SMC3: variants seen among roughly 807,000 people sequenced by gnomAD.
SMC3 encodes structural maintenance of chromosomes protein 3.
In SMC3, 20 loss-of-function variants were observed where a neutral mutation model predicts 171.8. The observed-to-expected ratio is 0.12, with a 90% CI of 0.08 to 0.17. The LOEUF (loss-of-function observed/expected upper bound fraction) is 0.17. Ranked by LOEUF, SMC3 falls within the 10% of genes least tolerant of loss-of-function variation. The pLI, the probability that SMC3 is intolerant of heterozygous loss-of-function variation, is 1.00. For synonymous variants in SMC3, 464 were observed against 451.1 expected (o/e 1.03, Z -0.36); for missense variants, 543 against 1,420.4 (o/e 0.38, Z 9.93).
intron 13 of SMC3, among the ~76,000 whole-genome samples, chr10:110,588,137 G>A (rs1384492222): frequency 2.0e-5 from 3 of 152,146 alleles, no homozygotes; most frequent in East Asian, 1.9e-4. Flanking sequence ...GACTACAGGC[G>A]TGTGCCATCA....
intron 25 of SMC3, 28 bp from the exon 26 acceptor site, chr10:110,602,446 T>A (rs1003880389): frequency 3.2e-6 from 5 of 1,580,954 alleles, no homozygotes; most frequent in African/African-American, 1.4e-5. Context: ...TAAGCAAAAT[T>A]TATATTTCAA....
intron 13 of SMC3, among the ~76,000 whole-genome samples, chr10:110,587,538 T>A (rs141675947): frequency 1.6e-4 from 24 of 152,074 alleles, no homozygotes; most frequent in African/African-American, 4.8e-4. Context: ...TATAAAAAAT[T>A]AGCTGGGCGT....
chr10:110,595,763 A>G (rs182315781), intron 18 of SMC3, among the ~76,000 whole-genome samples: 2 of 152,118 alleles, frequency 1.3e-5, no homozygotes, highest in South Asian at 2.1e-4. Flanking sequence ...TTTTAATTCA[A>G]TATGTTATTA....
At chr10:110,586,234 T>C (rs1301281934) in intron 13 of SMC3, among the ~76,000 whole-genome samples, 5 of 152,138 alleles carry the variant, frequency 3.3e-5, no homozygotes, top group South Asian at 4.1e-4. Context: ...GAAAAAAATA[T>C]ATAGTGGGGA....
chr10:110,589,486 G>A (rs550021817), intron 13 of SMC3, 119 bp from the exon 14 acceptor site: 1 of 692,204 alleles, frequency 1.4e-6, no homozygotes, highest in Admixed American at 2.4e-5. Flanking sequence ...ATACCCCTTT[G>A]TAATTCCTCC....
intron 13 of SMC3, among the ~76,000 whole-genome samples, chr10:110,584,920 C>T (rs1861086207): frequency 6.6e-6 from 1 of 152,176 alleles, no homozygotes; most frequent in South Asian, 2.1e-4. Flanking sequence ...CCACTGTGCC[C>T]AGCTTAAAAT....
chr10:110,568,423 C>A (rs1564786634), intron 1 of SMC3: 1 of 168,036 alleles, frequency 6.0e-6, no homozygotes, highest in Non-Finnish European at 1.3e-5. Flanking sequence ...AAATGGTCTT[C>A]CCGCGCGGGA....
chr10:110,573,915 T>C (rs1282634978), intron 3 of SMC3, among the ~76,000 whole-genome samples, 170 bp downstream of exon 3: 2 of 152,152 alleles, frequency 1.3e-5, no homozygotes, highest in African/African-American at 4.8e-5. Context: ...GAATTCTGCT[T>C]TATACCCAGT....
intron 8 of SMC3, 60 bp downstream of exon 8, chr10:110,581,081 G>T: frequency 1.1e-6 from 1 of 892,594 alleles, no homozygotes. Flanking sequence ...TTGTGACAGA[G>T]TGGCTCCATG....
intron 19 of SMC3, among the ~76,000 whole-genome samples, chr10:110,597,270 A>C (rs1861315255): frequency 6.7e-6 from 1 of 149,526 alleles, no homozygotes; most frequent in Non-Finnish European, 1.5e-5. Flanking sequence ...GAGTAGCCAT[A>C]GTTTTTTTTT....
chr10:110,574,096 A>C (rs1332592472), intron 3 of SMC3, among the ~76,000 whole-genome samples: 1 of 152,226 alleles, frequency 6.6e-6, no homozygotes, highest in African/African-American at 2.4e-5. Flanking sequence ...TAATATATAA[A>C]TGTTATAAAT....
chr10:110,597,778 G>A (rs139752276), intron 19 of SMC3, among the ~76,000 whole-genome samples: 25 of 152,294 alleles, frequency 1.6e-4, no homozygotes, highest in African/African-American at 5.1e-4. Flanking sequence ...CCTTAACATA[G>A]TGCCTTAAGC....
intron 26 of SMC3, 66 bp downstream of exon 26, chr10:110,602,731 C>T: frequency 1.3e-6 from 2 of 1,571,154 alleles, no homozygotes; most frequent in South Asian, 1.1e-5. Context: ...GTATCTTTTG[C>T]AAATCTGATT....
chr10:110,598,435 CTT>C (rs771922695), intron 20 of SMC3, 145 bp downstream of exon 20: 2 of 819,706 alleles, frequency 2.4e-6, no homozygotes, highest in Non-Finnish European at 3.9e-6. Flanking sequence ...GACAGAGTCT[CTT>C]TCTGTCTCAC....
intron 20 of SMC3, 120 bp downstream of exon 20, chr10:110,598,410 CTTT>C (rs36039586): frequency 1.1e-6 from 1 of 889,532 alleles, no homozygotes; most frequent in Non-Finnish European, 1.7e-6. Context: ...TGGACCCATA[CTTT>C]TTTTTTTTGA....
At chr10:110,577,950 T>C in intron 6 of SMC3, 36 bp downstream of exon 6, 1 of 1,387,218 alleles carries the variant, frequency 7.2e-7, no homozygotes, top group East Asian at 2.3e-5. Flanking sequence ...AAACTGAATA[T>C]GTACTTAAAT....
chr10:110,569,374 T>A (rs1412123892), intron 2 of SMC3, among the ~76,000 whole-genome samples: 1 of 151,924 alleles, frequency 6.6e-6, no homozygotes, highest in East Asian at 1.9e-4. Context: ...GATGCCAGGA[T>A]TCCCCCCCCA....
rs1860877442 is a variant in SMC3 at position 110,571,803 on chromosome 10, AATGGGTT to A, written c.92-1903_92-1897del. Among the ~76,000 whole-genome samples, 4 of 151,460 alleles carry A rather than the reference AATGGGTT, an allele frequency of 2.6e-5. No individual in the cohort carries two copies. In the South Asian group the frequency reaches 8.4e-4, roughly 32 times the overall value. On this transcript the variant is annotated intron_variant, in intron 2 of 28. Transcript: ENST00000361804. The stretch of plus-strand genomic sequence containing the variant: ...AAAAATGGGTTCATTTTTAAATAAA[AATGGGTT>A]CATTTTTAAATAAAAAATGGGTTCA...
chr10:110,573,686 G>T (rs767098003), intron 2 of SMC3, 21 bp from the exon 3 acceptor site: 1 of 1,536,396 alleles, frequency 6.5e-7, no homozygotes, highest in East Asian at 2.3e-5. Context: ...AAAATAACTT[G>T]TACTTTTTGA....
Sources: gnomAD v4.1 joint callset for allele counts (sites outside exome capture counted in the v4.1 genomes callset) on GRCh38, gnomAD v4.1.1 for gene constraint, MANE v1.5 for transcripts, NCBI Gene and HGNC (gene_info 2026-07-23, HGNC 2026-07-21) for gene names.